Variants in MYO18B observed in about 807,000 individuals in gnomAD.
MYO18B encodes unconventional myosin-XVIIIb.
MYO18B carries 204 observed loss-of-function variants against 273.0 expected under a neutral mutation model. That is an observed-to-expected ratio of 0.75 (90% CI 0.67 to 0.84). The LOEUF is 0.84. MYO18B is among the 40% of genes least tolerant of loss of function. MYO18B has a pLI of 0.00. For synonymous variants in MYO18B, 1,330 were observed against 1,305.7 expected (o/e 1.02, Z -0.40); for missense variants, 3,212 against 3,287.6 (o/e 0.98, Z 0.56).
intron 29 of MYO18B, among the ~76,000 whole-genome samples, chr22:25,901,724 T>C (rs1380770579): frequency 6.6e-6 from 1 of 151,752 alleles, no homozygotes; most frequent in Admixed American, 6.6e-5. Flanking sequence ...GGTCAGGAAA[T>C]ATTGGAAGTC....
At chr22:26,003,206 ATGCT>A in intron 40 of MYO18B, 55 bp from the exon 41 acceptor site, 2 of 1,461,780 alleles carry the variant, frequency 1.4e-6, no homozygotes, top group Non-Finnish European at 1.9e-6. Flanking sequence ...GTCAATAACC[ATGCT>A]TCCAAGCCCC....
the MYO18B span, among the ~76,000 whole-genome samples, chr22:26,042,754 A>G: frequency 6.6e-6 from 1 of 152,290 alleles, no homozygotes; most frequent in South Asian, 2.1e-4. Flanking sequence ...TTCACTCAAC[A>G]AGCATTTATT....
intron 34 of MYO18B, among the ~76,000 whole-genome samples, chr22:25,940,707 A>G (rs1380718453): frequency 6.6e-6 from 1 of 152,160 alleles, no homozygotes; most frequent in Non-Finnish European, 1.5e-5. Flanking sequence ...GATGGAGCTC[A>G]TCTCATCTTA....
the MYO18B span, among the ~76,000 whole-genome samples, chr22:26,062,563 C>T: frequency 6.6e-6 from 1 of 152,322 alleles, no homozygotes; most frequent in East Asian, 1.9e-4. Flanking sequence ...ATTCCTTTGA[C>T]TCCCTAGTTA....
chr22:25,784,004 T>C (rs1013119484), intron 10 of MYO18B, among the ~76,000 whole-genome samples: 9 of 152,194 alleles, frequency 5.9e-5, no homozygotes, highest in East Asian at 1.9e-4. Context: ...AAATGTCCTT[T>C]CTCCCATGCA....
chr22:25,907,697 C>T (rs918550148), intron 31 of MYO18B, among the ~76,000 whole-genome samples: 4 of 152,158 alleles, frequency 2.6e-5, no homozygotes, highest in African/African-American at 9.7e-5. Flanking sequence ...AAAACCATCG[C>T]TGTTGCCTGC....
chr22:25,898,613 G>T (rs929987387), intron 29 of MYO18B, 152 bp downstream of exon 29: 8 of 756,798 alleles, frequency 1.1e-5, no homozygotes, highest in South Asian at 4.1e-5. Context: ...CCTTATTCCT[G>T]TATGGTTCTC....
Position 26,027,309 on chromosome 22 carries a change from C to T in MYO18B, c.7335C>T (p.Leu2445=). 6.2e-7 allele frequency: 1 copy of T among 1,614,016 alleles called. No individual in the cohort carries two copies. The highest frequency in any genetic ancestry group is 8.5e-7 in the Non-Finnish European group (1 of 1,179,884). ...CCAAAGTGGACTTCGATGACTTCCT[C>T]CCAGCTATCCGGAAGCCCCAGACAC... is the stretch of plus-strand genomic sequence containing the variant. The part of the protein sequence containing the change: ...RKTKVDFDDF[L]PAIRKPQTPT... Residue 2445 remains leucine (L), a synonymous_variant, in exon 43 of 44, where the codon CTC becomes CTT. Coordinates refer to ENST00000335473, the MANE Select transcript of MYO18B (RefSeq NM_032608.7). The surrounding 1 kb of genome is among the most constrained non-coding windows in gnomAD (Gnocchi z 4.1).
chr22:25,784,709 C>T (rs897756830), intron 10 of MYO18B, among the ~76,000 whole-genome samples: 18 of 152,104 alleles, frequency 1.2e-4, no homozygotes, highest in African/African-American at 2.9e-4. Context: ...GAGTGTGATT[C>T]GAAGGGGCAG....
chr22:25,977,443 G>C (rs2093103069), intron 39 of MYO18B, among the ~76,000 whole-genome samples: 1 of 152,168 alleles, frequency 6.6e-6, no homozygotes, highest in Non-Finnish European at 1.5e-5. Flanking sequence ...TGCCCCAGGG[G>C]GTTGTCACAT....
intron 4 of MYO18B, 170 bp from the exon 5 acceptor site, chr22:25,769,940 G>C: frequency 3.1e-6 from 2 of 649,814 alleles, no homozygotes; most frequent in Non-Finnish European, 5.5e-6. Context: ...TCCACCTCCC[G>C]GGTCCGCAAC....
intron 21 of MYO18B, among the ~76,000 whole-genome samples, chr22:25,861,076 G>T (rs1296301344): frequency 1.3e-5 from 2 of 151,928 alleles, no homozygotes; most frequent in African/African-American, 2.4e-5. Flanking sequence ...TAGAGATAGG[G>T]TCTTACTGTG....
At chr22:25,770,250 T>C in intron 5 of MYO18B, 74 bp downstream of exon 5, 1 of 1,460,242 alleles carries the variant, frequency 6.8e-7, no homozygotes. Context: ...AGCCATATGT[T>C]CCAGGTCCTG....
chr22:26,044,206 C>T, the MYO18B span, among the ~76,000 whole-genome samples: 8 of 152,054 alleles, frequency 5.3e-5, no homozygotes, highest in Non-Finnish European at 1.0e-4. Flanking sequence ...TGTAAGAATT[C>T]TTTATATGAT....
chr22:25,750,602 G>A (rs2085904318), intron 1 of MYO18B, among the ~76,000 whole-genome samples: 1 of 152,210 alleles, frequency 6.6e-6, no homozygotes, highest in Admixed American at 6.5e-5. Context: ...GAACCTTGTG[G>A]AACAGCTGAG....
intron 39 of MYO18B, among the ~76,000 whole-genome samples, chr22:25,979,139 T>G (rs2093123938): frequency 6.6e-6 from 1 of 152,166 alleles, no homozygotes; most frequent in Admixed American, 6.5e-5. Context: ...AGTGGCCACT[T>G]GAGAAGTTTC....
the MYO18B span, among the ~76,000 whole-genome samples, chr22:26,050,933 G>T: frequency 6.6e-6 from 1 of 152,212 alleles, no homozygotes; most frequent in Admixed American, 6.5e-5. Context: ...AGTTACAAGT[G>T]ATGTTAAGAA....
chr22:25,760,238 A>C (rs1050522737), intron 1 of MYO18B, among the ~76,000 whole-genome samples: 7 of 151,960 alleles, frequency 4.6e-5, no homozygotes, highest in African/African-American at 1.7e-4. Flanking sequence ...ATATGATGAA[A>C]ACCCTTCTCT....
At chr22:25,810,691 C>T (rs1355583198) in intron 12 of MYO18B, among the ~76,000 whole-genome samples, 1 of 152,082 alleles carries the variant, frequency 6.6e-6, no homozygotes, top group African/African-American at 2.4e-5. Context: ...CCGCCTCAGT[C>T]TCCCAAAGTG....
Sources: allele counts gnomAD v4.1 joint callset (sites outside exome capture counted in the v4.1 genomes callset), GRCh38; gene constraint gnomAD v4.1.1; non-coding constraint Gnocchi (gnomAD v3.1); transcripts MANE v1.5; gene names NCBI Gene and HGNC (gene_info 2026-07-23, HGNC 2026-07-21).